The following RALYL variants were observed in gnomAD, a reference collection of about 807,000 sequenced individuals.
The protein encoded by RALYL is RALY RNA binding protein like.
In RALYL, 29 loss-of-function variants were observed where a neutral mutation model predicts 35.1. The observed-to-expected ratio is 0.83, with a 90% CI of 0.61 to 1.13. The LOEUF is 1.13. Among genes scored for constraint, RALYL ranks in the 50% most tolerant of loss-of-function variants. The probability of loss-of-function intolerance (pLI) is 0.00; values close to 1 mark genes in which losing one functional copy is unlikely to be tolerated. For synonymous variants in RALYL, 120 were observed against 127.6 expected (o/e 0.94, Z 0.40); for missense variants, 359 against 360.4 (o/e 1.00, Z 0.03).
intron 1 of RALYL, among the ~76,000 whole-genome samples, chr8:84,433,075 A>G (rs989097717): frequency 2.0e-5 from 3 of 152,182 alleles, no homozygotes; most frequent in African/African-American, 4.8e-5. Context: ...CCTATTTTAT[A>G]TAGTCTAATA....
intron 2 of RALYL, among the ~76,000 whole-genome samples, chr8:84,635,056 AT>A (rs1824752967): frequency 6.6e-6 from 1 of 151,774 alleles, no homozygotes; most frequent in Middle Eastern, 3.2e-3. Flanking sequence ...ATCATTCTTT[AT>A]TCCTGCCATT....
chr8:84,475,476 A>G (rs1211456886), intron 1 of RALYL, among the ~76,000 whole-genome samples: 1 of 152,194 alleles, frequency 6.6e-6, no homozygotes, highest in African/African-American at 2.4e-5. Context: ...AATATATAAA[A>G]CAAGTGTTTT....
rs751500151 is a variant in RALYL, at chr8:84,353,023, C to T, written c.-24+168599C>T. Among the ~76,000 whole-genome samples, 7 of 150,392 alleles carry T rather than the reference C, an allele frequency of 4.7e-5. 2 individuals carry two copies. The highest frequency in any genetic ancestry group is 3.4e-3 in the Middle Eastern group (1 of 294). ...CCACCCCTAGACGTTTCCAGGACAC[C>T]TGCGGACTTGAAAGTGCCCATGCTA... On this transcript the variant is annotated intron_variant, in intron 1 of 8. Coordinates refer to ENST00000521268, the MANE Select transcript of RALYL (RefSeq NM_173848.7).
intron 1 of RALYL, among the ~76,000 whole-genome samples, chr8:84,462,600 C>CTTTT (rs754020253): frequency 9.7e-6 from 1 of 103,038 alleles, no homozygotes; most frequent in African/African-American, 4.4e-5. Context: ...TATCTAGATT[C>CTTTT]ATTTTTTTTT....
intron 1 of RALYL, among the ~76,000 whole-genome samples, chr8:84,426,950 C>A (rs1199594726): frequency 6.6e-6 from 1 of 152,012 alleles, no homozygotes; most frequent in Non-Finnish European, 1.5e-5. Flanking sequence ...TGGGCACATA[C>A]CCAAAGGAAA....
intron 1 of RALYL, among the ~76,000 whole-genome samples, chr8:84,206,013 C>T (rs1360320314): frequency 6.6e-6 from 1 of 152,110 alleles, no homozygotes; most frequent in African/African-American, 2.4e-5. Flanking sequence ...CTCTTCTTAA[C>T]ATATGTGTAC....
chr8:84,290,214 C>T (rs1324634156), intron 1 of RALYL, among the ~76,000 whole-genome samples: 1 of 152,178 alleles, frequency 6.6e-6, no homozygotes, highest in Non-Finnish European at 1.5e-5. Flanking sequence ...CCACCTACAA[C>T]ACAGCACACC....
At chr8:84,532,295 A>G (rs780776501) in intron 2 of RALYL, among the ~76,000 whole-genome samples, 1 of 151,996 alleles carries the variant, frequency 6.6e-6, no homozygotes, top group Non-Finnish European at 1.5e-5. Context: ...ATTGTTCCCT[A>G]TAGAAGTTAG....
At chr8:84,367,621 C>A (rs1224012423) in intron 1 of RALYL, among the ~76,000 whole-genome samples, 1 of 151,780 alleles carries the variant, frequency 6.6e-6, no homozygotes, top group Non-Finnish European at 1.5e-5. Flanking sequence ...AAAGCATAGA[C>A]CTTTTCTATA....
At chr8:84,711,611 G>A (rs1190344609) in intron 2 of RALYL, among the ~76,000 whole-genome samples, 1 of 151,998 alleles carries the variant, frequency 6.6e-6, no homozygotes, top group African/African-American at 2.4e-5. Context: ...TTGTTCTAAG[G>A]CTTTTTAAGG....
Position 84,736,358 on chromosome 8 carries a change from T to C in RALYL, c.257-38221T>C, listed in dbSNP as rs567896278. 3.9e-4 allele frequency among the ~76,000 whole-genome samples: 59 copies of C among 152,162 alleles called. 1 individual carries two copies. Among genetic ancestry groups the C allele is most frequent in the Non-Finnish European group, 6.8e-4 (46 of 67,980 alleles). ...AAAATCATCTTCTCTTTCTAGTAAG[T>C]ATAATTTGGGGGATGACTGGAAACA... On this transcript the variant is annotated intron_variant, in intron 2 of 8. Coordinates refer to ENST00000521268, the MANE Select transcript of RALYL (RefSeq NM_173848.7).
chr8:84,550,719 G>A (rs1002091547), intron 2 of RALYL, among the ~76,000 whole-genome samples: 5 of 151,538 alleles, frequency 3.3e-5, no homozygotes, highest in South Asian at 2.1e-4. Context: ...CATTATGAAC[G>A]CGGTTCCTAT....
At chr8:84,356,559 A>G (rs1456215109) in intron 1 of RALYL, among the ~76,000 whole-genome samples, 2 of 150,072 alleles carry the variant, frequency 1.3e-5, no homozygotes, top group African/African-American at 2.5e-5. Flanking sequence ...CCCTTTTATA[A>G]TAAGCAAATT....
intron 2 of RALYL, among the ~76,000 whole-genome samples, chr8:84,622,223 C>T (rs138611927): frequency 2.6e-5 from 4 of 152,174 alleles, no homozygotes; most frequent in Admixed American, 6.5e-5. Context: ...AGGGGTCATA[C>T]GTGGTAATAA....
intron 2 of RALYL, among the ~76,000 whole-genome samples, chr8:84,728,919 G>A (rs1845558647): frequency 6.6e-6 from 1 of 152,162 alleles, no homozygotes; most frequent in Non-Finnish European, 1.5e-5. Flanking sequence ...GATGCCTCCA[G>A]CTTTGTTCTT....
chr8:84,839,278 C>T lies in RALYL; in HGVS notation c.366-10702C>T, dbSNP rs551297976. On this transcript the variant is annotated intron_variant, in intron 4 of 8. Transcript: ENST00000521268. ...TCGGGTCACTCCCACCCTAATACTG[C>T]GCTTTTCCAATGGTCTTAGCAAACG... is the stretch of plus-strand genomic sequence containing the variant. Among the ~76,000 whole-genome samples the T allele has an allele frequency of 1.6e-4, 24 of 152,340 alleles. No individual in the cohort carries two copies. The East Asian group carries it at 2.1e-3, about 13-fold the overall frequency.
chr8:84,920,862 C>G (rs770620684), intron 8 of RALYL, 32 bp from the exon 9 acceptor site: 1 of 1,112,478 alleles, frequency 9.0e-7, no homozygotes, highest in South Asian at 1.7e-5. Context: ...ACACAAATCT[C>G]TGTATTTTAA....
At chr8:84,222,829 G>A (rs1482264314) in intron 1 of RALYL, among the ~76,000 whole-genome samples, 1 of 152,030 alleles carries the variant, frequency 6.6e-6, no homozygotes, top group African/African-American at 2.4e-5. Context: ...TCGAGTCTTT[G>A]GTTATGAGAT....
intron 2 of RALYL, among the ~76,000 whole-genome samples, chr8:84,660,565 C>T (rs1212158849): frequency 2.0e-5 from 3 of 151,738 alleles, no homozygotes; most frequent in South Asian, 2.1e-4. Flanking sequence ...ATTTTATTTC[C>T]ATATTTCATA....
Sources: allele counts gnomAD v4.1 joint callset (sites outside exome capture counted in the v4.1 genomes callset), GRCh38; gene constraint gnomAD v4.1.1; transcripts MANE v1.5; gene names NCBI Gene and HGNC (gene_info 2026-07-23, HGNC 2026-07-21).